Variants in CYP1B1 observed in about 807,000 individuals in gnomAD.
CYP1B1 encodes cytochrome P450 1B1.
A neutral mutation model predicts 29.9 loss-of-function variants in CYP1B1; 22 were observed. The observed-to-expected ratio is 0.74, with a 90% CI of 0.53 to 1.05. CYP1B1 has a LOEUF of 1.05. Ranked by LOEUF, CYP1B1 falls within the 50% of genes least tolerant of loss-of-function variation. The pLI is 0.00. For missense variants in CYP1B1, 883 were observed against 746.9 expected (o/e 1.18, Z -2.12); for synonymous variants, 375 against 320.0 (o/e 1.17, Z -1.83).
Position 38,074,649 on chromosome 2 carries a change from A to C in CYP1B1, c.740T>G (p.Leu247Arg). 6.2e-7 allele frequency: 1 copy of C among 1,613,428 alleles called. No individual in the cohort carries two copies. Among genetic ancestry groups the C allele is most frequent in the Non-Finnish European group, 8.5e-7 (1 of 1,180,024 alleles). Residue 247 changes from leucine (L) to arginine (R), a missense_variant, in exon 2 of 3, where the codon CTG (leucine) becomes CGG (arginine). Leu to Arg is a moderately radical substitution (Grantham distance 102). Coordinates refer to ENST00000610745, the MANE Select transcript of CYP1B1 (RefSeq NM_000104.4). The stretch of plus-strand genomic sequence containing the variant: ...GCGCACCGGGTTGGGGAAGTACTGC[A>C]GCCAGGGCATCACGTCCACCAGGCT... ...AGSLVDVMPW[L>R]QYFPNPVRTV...
In CYP1B1 at chr2:38,075,236, G is replaced by C. The variant is rs778283318; in HGVS notation, c.153C>G (p.Pro51=). The C allele has an allele frequency of 1.9e-6, 3 of 1,590,434 alleles. No homozygotes were observed. The highest frequency in any genetic ancestry group is 1.7e-5 in the Admixed American group (1 of 57,386). ...RQRRRQLRSA[P]PGPFAWPLIG... is the part of the protein sequence containing the mutation. ...TCAGTGGCCACGCAAACGGGCCCGGGGGCGCGGACCGGAGCTGCCGCCTCC... is the reference window on the plus strand; with the variant it reads ...TCAGTGGCCACGCAAACGGGCCCGGCGGCGCGGACCGGAGCTGCCGCCTCC... Residue 51 remains proline, a synonymous_variant, in exon 2 of 3, where the codon CCC becomes CCG. Coordinates refer to ENST00000610745, the MANE Select transcript of CYP1B1 (RefSeq NM_000104.4).
At position 38,074,548 on chromosome 2, in the gene CYP1B1, C is replaced by T; in HGVS notation, c.841G>A (p.Glu281Lys). Residue 281 changes from glutamate to lysine, a missense_variant, in exon 2 of 3, where the codon GAA (glutamate) becomes AAA (lysine). Glu to Lys is a moderately conservative substitution (Grantham distance 56). Coordinates refer to ENST00000610745, the MANE Select transcript of CYP1B1 (RefSeq NM_000104.4). Reference sequence around the variant, plus strand: ...GGGGCGGCCCCGGGCCGAAGGCTTTCGCAGTGCCTCAAGAACTTGTCCAGG... The same window carrying T: ...GGGGCGGCCCCGGGCCGAAGGCTTTTGCAGTGCCTCAAGAACTTGTCCAGG... ...FILDKFLRHCESLRPGAAPRD... is the reference protein window; with the variant it reads ...FILDKFLRHCKSLRPGAAPRD... 1.2e-6 allele frequency: 2 copies of T among 1,608,786 alleles called. No individual in the cohort carries two copies. Among genetic ancestry groups the T allele is most frequent in the Non-Finnish European group, 1.7e-6 (2 of 1,177,768 alleles).
rs1001561744 is a variant in CYP1B1 at position 38,074,975 on chromosome 2, C to T, written c.414G>A (p.Ser138=). The change falls in exon 2 of 3, where the codon TCG becomes TCA. Residue 138 remains serine (S), a synonymous_variant. Transcript: ENST00000610745. ...GGRSMAFGHY[S]EHWKVQRRAA... ...CGCGCCGCTGCACCTTCCAGTGCTC[C>T]GAGTAGTGGCCGAAAGCCATGCTGC... The T allele has an allele frequency of 6.3e-7, 1 of 1,584,848 alleles. No individual in the cohort carries two copies. Among genetic ancestry groups the T allele is most frequent in the African/African-American group, 1.3e-5 (1 of 74,736 alleles).
At position 38,068,124 on chromosome 2, in the gene CYP1B1, A is replaced by C. The variant is rs1464321092; in HGVS notation, c.*2598T>G. The stretch of plus-strand genomic sequence containing the variant: ...AAGCATTTAATAAACATTATACTTT[A>C]TTGCAATAACCTGGAGTAAAACTTC... On this transcript the variant is annotated 3_prime_UTR_variant, in exon 3 of 3. Coordinates refer to ENST00000610745, the MANE Select transcript of CYP1B1 (RefSeq NM_000104.4). 1 of 206,810 alleles carries C rather than the reference A, an allele frequency of 4.8e-6. No individual in the cohort carries two copies. Among genetic ancestry groups the C allele is most frequent in the Non-Finnish European group, 9.9e-6 (1 of 100,994 alleles). The allele number at this position is 206,810 out of a possible 1,614,324, so 12.8% of individuals were successfully genotyped here.
In CYP1B1 at chr2:38,070,536, C is replaced by T. The variant is rs1353488190; in HGVS notation, c.*186G>A. On this transcript the variant is annotated 3_prime_UTR_variant, in exon 3 of 3. Transcript: ENST00000610745. Reference sequence around the variant, plus strand: ...CAAAAAAATCTCCCAGAAGCTCCTGCATAGCCCACTACTCATGAAGAACCG... The same window carrying T: ...CAAAAAAATCTCCCAGAAGCTCCTGTATAGCCCACTACTCATGAAGAACCG... The T allele has an allele frequency of 1.1e-5, 7 of 617,436 alleles. No homozygotes were observed. The East Asian group carries it at 1.9e-4, about 17-fold the overall frequency. 38.2% of individuals were successfully genotyped at this position (617,436 alleles called of 1,614,324 possible). A position where few individuals can be genotyped will look rare whatever the true frequency, so the allele number is the denominator to read the frequency against.
chr2:38,072,565 G>C (rs754898085), intron 2 of CYP1B1, among the ~76,000 whole-genome samples: 9 of 152,062 alleles, frequency 5.9e-5, no homozygotes, highest in Non-Finnish European at 1.2e-4. Context: ...CAAAAAACAA[G>C]TAACTGATTG....
In CYP1B1 at chr2:38,074,229, G is replaced by C. The variant is rs909478112; in HGVS notation, c.1043+117C>G. On this transcript the variant is annotated intron_variant, in intron 2 of 2. Coordinates refer to ENST00000610745, the MANE Select transcript of CYP1B1 (RefSeq NM_000104.4). ...GACGCGATCTTGGTTTTGAGGGGTG[G>C]GGACCTGGAGCGAAACCCCAAACCC... 1.9e-5 allele frequency: 22 copies of C among 1,145,652 alleles called. No homozygotes were observed. The East Asian group carries it at 5.6e-4, about 29-fold the overall frequency. The allele number at this position is 1,145,652 out of a possible 1,614,324, so 71.0% of individuals were successfully genotyped here.
At position 38,075,185 on chromosome 2, in the gene CYP1B1, C is replaced by T. The variant is rs1202632395; in HGVS notation, c.204G>A (p.Gln68=). 6.4e-7 allele frequency: 1 copy of T among 1,570,014 alleles called. No individual in the cohort carries two copies. The highest frequency in any genetic ancestry group is 1.8e-5 in the Admixed American group (1 of 54,882). Residue 68 remains glutamine (Q), a synonymous_variant, in exon 2 of 3, where the codon CAG becomes CAA. Coordinates refer to ENST00000610745, the MANE Select transcript of CYP1B1 (RefSeq NM_000104.4). ...PLIGNAAAVG[Q]AAHLSFARLA... Reference sequence around the variant, plus strand: ...GGCGAGCGAACGAGAGGTGAGCCGCCTGGCCCACCGCCGCCGCGTTTCCGA... The same window carrying T: ...GGCGAGCGAACGAGAGGTGAGCCGCTTGGCCCACCGCCGCCGCGTTTCCGA...
chr2:38,071,420 C>G, intron 2 of CYP1B1, 110 bp from the exon 3 acceptor site: 7 of 964,782 alleles, frequency 7.3e-6, no homozygotes. Context: ...AATAGGCTAT[C>G]TAGCTCAGTG....
chr2:38,071,005 C>T lies in CYP1B1; in HGVS notation c.1349G>A (p.Gly450Asp). 2 of 1,614,100 alleles carry T rather than the reference C, an allele frequency of 1.2e-6. No homozygotes were observed. The highest frequency in any genetic ancestry group is 2.2e-5 in the East Asian group (1 of 44,882). Residue 450 changes from glycine (G) to aspartate (D), a missense_variant, in exon 3 of 3, where the codon GGC becomes GAC. Coordinates refer to ENST00000610745, the MANE Select transcript of CYP1B1 (RefSeq NM_000104.4). ...FDPARFLDKDGLINKDLTSRV... is the reference protein window; with the variant it reads ...FDPARFLDKDDLINKDLTSRV... ...GCTGGTCAGGTCCTTGTTGATGAGG[C>T]CATCCTTGTCCAAGAATCGAGCTGG...
rs765884873 is a variant in CYP1B1, at chr2:38,074,542, G to A, written c.847C>T (p.Leu283Phe). 21 of 1,608,578 alleles carry A rather than the reference G, an allele frequency of 1.3e-5. No homozygotes were observed. Among genetic ancestry groups the A allele is most frequent in the Non-Finnish European group, 1.8e-5 (21 of 1,177,684 alleles). The change falls in exon 2 of 3, where the codon CTT becomes TTT. Residue 283 changes from leucine (L) to phenylalanine (F), a missense_variant. Leu to Phe is a conservative substitution (Grantham distance 22). Transcript: ENST00000610745. Reference protein sequence around the residue: ...LDKFLRHCESLRPGAAPRDMM... With the variant: ...LDKFLRHCESFRPGAAPRDMM... ...TCGCGGGGGGCGGCCCCGGGCCGAA[G>A]GCTTTCGCAGTGCCTCAAGAACTTG...
chr2:38,071,419 T>G, intron 2 of CYP1B1, 109 bp from the exon 3 acceptor site: 1 of 964,756 alleles, frequency 1.0e-6, no homozygotes, highest in Non-Finnish European at 1.6e-6. Context: ...AAATAGGCTA[T>G]CTAGCTCAGT....
chr2:38,070,651 A>G lies in CYP1B1; in HGVS notation c.*71T>C, dbSNP rs1682409020. 4 of 1,417,496 alleles carry G rather than the reference A, an allele frequency of 2.8e-6. No individual in the cohort carries two copies. The East Asian group carries it at 9.1e-5, about 32-fold the overall frequency. 87.8% of individuals were successfully genotyped at this position (1,417,496 alleles called of 1,614,324 possible). A position where few individuals can be genotyped will look rare whatever the true frequency, so the allele number is the denominator to read the frequency against. ...GAAGCAGCACAAAAGAGGAACTGGA[A>G]AAAAACTGAATTTTACTCCTCATCT... is the stretch of plus-strand genomic sequence containing the variant. On this transcript the variant is annotated 3_prime_UTR_variant, in exon 3 of 3. Coordinates refer to ENST00000610745, the MANE Select transcript of CYP1B1 (RefSeq NM_000104.4).
rs1271904124 is a variant in CYP1B1, at chr2:38,075,785, G to T, written c.-7C>A. 1 of 269,130 alleles carries T rather than the reference G, an allele frequency of 3.7e-6. No individual in the cohort carries two copies. The highest frequency in any genetic ancestry group is 7.2e-6 in the Non-Finnish European group (1 of 139,122). The allele number at this position is 269,130 out of a possible 1,614,324, so 16.7% of individuals were successfully genotyped here. The stretch of plus-strand genomic sequence containing the variant: ...GCCTCGGCAGACAGACTGACCTGCG[G>T]GGAGGTGCGGTTTCCAGTGGCGCGG... On this transcript the variant is annotated 5_prime_UTR_variant, in exon 1 of 3. Coordinates refer to ENST00000610745, the MANE Select transcript of CYP1B1 (RefSeq NM_000104.4).
At chr2:38,075,577 G>A (rs1682523804) in intron 1 of CYP1B1, 188 bp from the exon 2 acceptor site, 1 of 632,406 alleles carries the variant, frequency 1.6e-6, no homozygotes, top group Non-Finnish European at 2.8e-6. Flanking sequence ...AAGAGAAGGG[G>A]CGTGTTTCCA....
In CYP1B1 at chr2:38,075,242, G is replaced by A. The variant is rs4987137; in HGVS notation, c.147C>T (p.Ser49=). Residue 49 remains serine, a synonymous_variant, in exon 2 of 3, where the codon TCC becomes TCT. Transcript: ENST00000610745. The part of the protein sequence containing the change: ...LLRQRRRQLR[S]APPGPFAWPL... ...GCCACGCAAACGGGCCCGGGGGCGC[G>A]GACCGGAGCTGCCGCCTCCGTTGCC... 5.0e-6 allele frequency: 8 copies of A among 1,592,878 alleles called. No homozygotes were observed. Among genetic ancestry groups the A allele is most frequent in the Non-Finnish European group, 6.0e-6 (7 of 1,174,604 alleles).
chr2:38,070,802 C>G lies in CYP1B1; in HGVS notation c.1552G>C (p.Val518Leu), dbSNP rs779715125. Residue 518 changes from valine (V) to leucine (L), a missense_variant, in exon 3 of 3, where the codon GTC becomes CTC. Transcript: ENST00000610745. Reference protein sequence around the residue: ...GLTIKPKSFKVNVTLRESMEL... With the variant: ...GLTIKPKSFKLNVTLRESMEL... ...ATGGACTCTCTGAGAGTGACATTGA[C>G]TTTAAATGACTTGGGTTTAATGGTT... is the stretch of plus-strand genomic sequence containing the variant. 8.7e-6 allele frequency: 14 copies of G among 1,614,126 alleles called. No homozygotes were observed. The East Asian group carries it at 1.1e-4, about 13-fold the overall frequency.
rs1394202575 is a variant in CYP1B1 at position 38,075,455 on chromosome 2, C to T, written c.-1-66G>A. The stretch of plus-strand genomic sequence containing the variant: ...GAGACAGGAGCGGGCGCCCCACGCC[C>T]CTACCCCAGCCTCTGGGGACTGAGT... On this transcript the variant is annotated intron_variant, in intron 1 of 2. Coordinates refer to ENST00000610745, the MANE Select transcript of CYP1B1 (RefSeq NM_000104.4). 5.9e-6 allele frequency: 9 copies of T among 1,518,976 alleles called. No individual in the cohort carries two copies. In the African/African-American group the frequency reaches 6.8e-5, roughly 11 times the overall value. The allele number at this position is 1,518,976 out of a possible 1,614,324, so 94.1% of individuals were successfully genotyped here. A position where few individuals can be genotyped will look rare whatever the true frequency, so the allele number is the denominator to read the frequency against.
intron 2 of CYP1B1, 121 bp downstream of exon 2, chr2:38,074,225 G>T: frequency 1.8e-6 from 2 of 1,099,642 alleles, no homozygotes; most frequent in South Asian, 1.4e-5. Flanking sequence ...GGTTTTGAGG[G>T]GTGGGGACCT....
Sources: allele counts gnomAD v4.1 joint callset (sites outside exome capture counted in the v4.1 genomes callset), GRCh38; gene constraint gnomAD v4.1.1; transcripts MANE v1.5; gene names NCBI Gene and HGNC (gene_info 2026-07-23, HGNC 2026-07-21).